The following LARS2 variants were observed in gnomAD, a reference collection of about 807,000 sequenced individuals.
LARS2 encodes the protein leucine--tRNA ligase, mitochondrial.
A neutral mutation model predicts 116.6 loss-of-function variants in LARS2; 81 were observed. The ratio of observed to expected loss-of-function variants is 0.69; its 90% CI spans 0.58 to 0.84. LARS2 has a LOEUF of 0.84. LARS2 is among the 40% of genes least tolerant of loss of function. The pLI is 0.00. For synonymous variants in LARS2, 396 were observed against 407.2 expected (o/e 0.97, Z 0.33); for missense variants, 968 against 1,114.5 (o/e 0.87, Z 1.87).
At chr3:45,396,246 A>C (rs1259012915) in intron 3 of LARS2, among the ~76,000 whole-genome samples, 1 of 152,240 alleles carries the variant, frequency 6.6e-6, no homozygotes, top group African/African-American at 2.4e-5. Context: ...GTTTGAATCA[A>C]GGAATGGCAA....
chr3:45,480,870 T>G (rs1316142890), intron 10 of LARS2, among the ~76,000 whole-genome samples: 1 of 152,238 alleles, frequency 6.6e-6, no homozygotes, highest in Non-Finnish European at 1.5e-5. Context: ...CACTACATTT[T>G]TTTATATTAC....
intron 19 of LARS2, among the ~76,000 whole-genome samples, chr3:45,520,524 A>G (rs1700436517): frequency 6.6e-6 from 1 of 152,186 alleles, no homozygotes; most frequent in South Asian, 2.1e-4. Context: ...TATTTTACAG[A>G]TGAGGACATT....
intron 6 of LARS2, among the ~76,000 whole-genome samples, chr3:45,428,983 CCA>C (rs2125693537): frequency 6.6e-6 from 1 of 152,154 alleles, no homozygotes; most frequent in East Asian, 1.9e-4. Flanking sequence ...TCTGACACAG[CCA>C]TAATACCATT....
At chr3:45,517,256 C>G (rs1238722305) in intron 17 of LARS2, among the ~76,000 whole-genome samples, 1 of 152,222 alleles carries the variant, frequency 6.6e-6, no homozygotes, top group East Asian at 1.9e-4. Context: ...TGCATTCAGG[C>G]TTGAGAATGC....
intron 7 of LARS2, 128 bp from the exon 8 acceptor site, chr3:45,458,615 A>T: frequency 1.2e-6 from 1 of 826,500 alleles, no homozygotes; most frequent in South Asian, 1.7e-5. Context: ...GGAACCTAGG[A>T]GGTGGAGGTT....
At chr3:45,505,545 G>A (rs565244100) in intron 15 of LARS2, among the ~76,000 whole-genome samples, 14 of 151,554 alleles carry the variant, frequency 9.2e-5, no homozygotes, top group Non-Finnish European at 1.9e-4. Flanking sequence ...AAATTAATGA[G>A]CCAGGTGTGG....
chr3:45,476,013 C>G (rs1559481187), intron 9 of LARS2, among the ~76,000 whole-genome samples: 1 of 151,696 alleles, frequency 6.6e-6, no homozygotes, highest in East Asian at 1.9e-4. Flanking sequence ...TTTCTCTCTT[C>G]AAAGCAGTAA....
chr3:45,484,967 A>C (rs1294262299), intron 10 of LARS2, among the ~76,000 whole-genome samples: 1 of 151,524 alleles, frequency 6.6e-6, no homozygotes, highest in Non-Finnish European at 1.5e-5. Flanking sequence ...CAGGTAATCT[A>C]TCCATTTCCT....
chr3:45,516,188 A>G lies in LARS2; in HGVS notation c.1956A>G (p.Glu652=). 6.2e-7 allele frequency: 1 copy of G among 1,614,178 alleles called. No homozygotes were observed. Among genetic ancestry groups the G allele is most frequent in the Non-Finnish European group, 8.5e-7 (1 of 1,180,016 alleles). ...AACACAACGGGGTGGACCCAGAGGA[A>G]GTTGTGGAGCAGTATGGGATCGACA... The part of the protein sequence containing the change: ...KSKHNGVDPE[E]VVEQYGIDTI... Residue 652 remains glutamate, a synonymous_variant, in exon 17 of 22, where the codon GAA becomes GAG. Transcript: ENST00000645846.
At position 45,475,699 on chromosome 3, in the gene LARS2, G is replaced by T. The variant is rs9818229; in HGVS notation, c.859-769G>T. On this transcript the variant is annotated intron_variant, in intron 9 of 21. Transcript: ENST00000645846. ...TAAGATGGGGCAACATAGTGTCTCA[G>T]GAAGGAAGCATCTCAGTCCTACAGG... is the stretch of plus-strand genomic sequence containing the variant. 3.6e-3 allele frequency among the ~76,000 whole-genome samples: 548 copies of T among 152,332 alleles called. 3 individuals are homozygous for T. Among genetic ancestry groups the T allele is most frequent in the African/African-American group, 0.012 (485 of 41,568 alleles).
At chr3:45,442,162 C>A (rs148856545) in intron 6 of LARS2, among the ~76,000 whole-genome samples, 28 of 152,274 alleles carry the variant, frequency 1.8e-4, no homozygotes, top group Admixed American at 3.3e-4. Context: ...ATTTGAAAAG[C>A]AGGCCAAAGG....
intron 18 of LARS2, among the ~76,000 whole-genome samples, chr3:45,519,970 C>T (rs927506537): frequency 2.0e-5 from 3 of 152,040 alleles, no homozygotes; most frequent in Non-Finnish European, 4.4e-5. Context: ...TTTCTAAGCA[C>T]CTACTATGAG....
intron 15 of LARS2, among the ~76,000 whole-genome samples, chr3:45,512,590 C>T (rs2125750238): frequency 6.6e-6 from 1 of 152,146 alleles, no homozygotes; most frequent in African/African-American, 2.4e-5. Context: ...ATGGAGAAAT[C>T]CATTCATATC....
intron 21 of LARS2, 54 bp from the exon 22 acceptor site, chr3:45,547,297 C>T (rs949829976): frequency 6.6e-7 from 1 of 1,521,352 alleles, no homozygotes; most frequent in African/African-American, 1.4e-5. Flanking sequence ...TATTGGGCCG[C>T]CTGCCACTCT....
In LARS2 at chr3:45,547,631, A is replaced by T. The variant is rs774285706; in HGVS notation, c.*101A>T. 5.3e-6 allele frequency: 6 copies of T among 1,128,314 alleles called. No individual in the cohort carries two copies. Among genetic ancestry groups the T allele is most frequent in the Non-Finnish European group, 6.4e-6 (5 of 785,594 alleles). 69.9% of individuals were successfully genotyped at this position (1,128,314 alleles called of 1,614,324 possible). A position where few individuals can be genotyped will look rare whatever the true frequency, so the allele number is the denominator to read the frequency against. On this transcript the variant is annotated 3_prime_UTR_variant, in exon 22 of 22. Coordinates refer to ENST00000645846, the MANE Select transcript of LARS2 (RefSeq NM_015340.4). ...GCTGGCCCAGGGGAAGGGAAAAGAC[A>T]AATGTCTTGACTGTTGACCTCGGTC...
chr3:45,462,273 G>A (rs569964857), intron 8 of LARS2, among the ~76,000 whole-genome samples: 4 of 152,030 alleles, frequency 2.6e-5, no homozygotes, highest in African/African-American at 9.7e-5. Flanking sequence ...TCCAGACATC[G>A]TGTCTCCATT....
chr3:45,546,773 G>A (rs139836686), intron 21 of LARS2, among the ~76,000 whole-genome samples: 29 of 152,264 alleles, frequency 1.9e-4, no homozygotes, highest in African/African-American at 6.7e-4. Context: ...CATGTTAAGC[G>A]AGAAAGAGTG....
intron 2 of LARS2, among the ~76,000 whole-genome samples, chr3:45,393,069 A>G (rs377667882): frequency 1.3e-5 from 2 of 152,204 alleles, no homozygotes; most frequent in South Asian, 2.1e-4. Flanking sequence ...CAGTGAGGTC[A>G]TTTCCAGTAT....
chr3:45,434,019 T>C (rs1040268020), intron 6 of LARS2, among the ~76,000 whole-genome samples: 3 of 152,202 alleles, frequency 2.0e-5, no homozygotes. Flanking sequence ...AATATTTTTT[T>C]CTTTAATTTT....
Sources: gnomAD v4.1 joint callset for allele counts (sites outside exome capture counted in the v4.1 genomes callset) on GRCh38, gnomAD v4.1.1 for gene constraint, MANE v1.5 for transcripts, NCBI Gene and HGNC (gene_info 2026-07-23, HGNC 2026-07-21) for gene names.